CYP4A11: variants seen among roughly 807,000 people sequenced by gnomAD.
The protein encoded by CYP4A11 is cytochrome P450 family 4 subfamily A member 11, also known as cytochrome P450 4A11.
CYP4A11 carries 52 observed loss-of-function variants against 57.7 expected under a neutral mutation model. That is an observed-to-expected ratio of 0.90 (90% CI 0.72 to 1.14). The LOEUF (loss-of-function observed/expected upper bound fraction) is 1.14. Among genes scored for constraint, CYP4A11 ranks in the 50% most tolerant of loss-of-function variants. The pLI, the probability that CYP4A11 is intolerant of heterozygous loss-of-function variation, is 0.00. For synonymous variants in CYP4A11, 228 were observed against 247.1 expected, an observed-to-expected ratio of 0.92 and a Z score of 0.72; for missense variants, 641 against 642.1, an observed-to-expected ratio of 1.00 and a Z score of 0.02.
intron 2 of CYP4A11, 53 bp downstream of exon 2, chr1:46,937,943 G>C: frequency 6.2e-7 from 1 of 1,606,252 alleles, no homozygotes; most frequent in Non-Finnish European, 8.5e-7. Context: ...AGACCCAGGA[G>C]CATGTGTCAA....
chr1:46,939,251 C>G (rs1467774456), intron 1 of CYP4A11, among the ~76,000 whole-genome samples: 1 of 152,224 alleles, frequency 6.6e-6, no homozygotes, highest in Non-Finnish European at 1.5e-5. Context: ...GCAGCTTGCC[C>G]TACTGTGGGG....
At chr1:46,930,803 AG>A (rs1294895648) in intron 11 of CYP4A11, among the ~76,000 whole-genome samples, 1 of 152,114 alleles carries the variant, frequency 6.6e-6, no homozygotes, top group East Asian at 1.9e-4. Context: ...GGGAGTCAGA[AG>A]GGCAGTGGGA....
chr1:46,930,128 T>G lies in CYP4A11; in HGVS notation c.1547A>C (p.Lys516Thr). 3.1e-6 allele frequency: 5 copies of G among 1,612,312 alleles called. No homozygotes were observed. The highest frequency in any genetic ancestry group is 3.4e-6 in the Non-Finnish European group (4 of 1,178,932). ...LRRLPNPCEDKDQL is the reference protein window; with the variant it reads ...LRRLPNPCEDTDQL ...AGGTGGAGGCCCTCAAAGCTGGTCC[T>G]TGTCTTCACAAGGGTTAGGGAGCCT... Residue 516 changes from lysine (K) to threonine (T), a missense_variant, in exon 12 of 12, where the codon AAG becomes ACG. Lys to Thr is a moderately conservative substitution (Grantham distance 78, BLOSUM62 -1). Coordinates refer to ENST00000310638, the MANE Select transcript of CYP4A11 (RefSeq NM_000778.4).
Position 46,938,113 on chromosome 1 carries a change from G to T in CYP4A11, c.220C>A (p.Arg74=). Residue 74 remains arginine, a synonymous_variant, in exon 2 of 12, where the codon CGG becomes AGG. Transcript: ENST00000310638. ...AATGTCTCCACCCATTTCTGAATCC[G>T]TTGTAGCTCCTGGTCCTGTTGGAGC... ...QELQQDQELQ[R]IQKWVETFPS... 1.2e-6 allele frequency: 2 copies of T among 1,614,198 alleles called. No individual in the cohort carries two copies. Among genetic ancestry groups the T allele is most frequent in the South Asian group, 1.1e-5 (1 of 91,082 alleles).
At position 46,941,355 on chromosome 1, in the gene CYP4A11, G is replaced by C; in HGVS notation, c.79C>G (p.Leu27Val). ...GILQAASLLI[L>V]LLLLIKAVQL... ...ACTGCCTTGATCAGCAGCAGAAGCA[G>C]AATGAGCAGGGAGGCCGCTTGGAGG... The change falls in exon 1 of 12, where the codon CTG (leucine) becomes GTG (valine). Residue 27 changes from leucine (L) to valine (V), a missense_variant. Leu to Val is a conservative substitution (Grantham distance 32, BLOSUM62 1). Transcript: ENST00000310638. 5 of 1,614,176 alleles carry C rather than the reference G, an allele frequency of 3.1e-6. No homozygotes were observed. The highest frequency in any genetic ancestry group is 4.2e-6 in the Non-Finnish European group (5 of 1,180,042).
intron 4 of CYP4A11, among the ~76,000 whole-genome samples, 169 bp downstream of exon 4, chr1:46,936,495 C>G (rs1350090631): frequency 5.3e-5 from 8 of 152,342 alleles, no homozygotes; most frequent in South Asian, 2.1e-4. Context: ...TGGGTGTTCT[C>G]CTACCTTATA....
In CYP4A11 at chr1:46,929,318, G is replaced by T. The variant is rs1384086850; in HGVS notation, c.*797C>A. 1 of 152,128 alleles carries T rather than the reference G, an allele frequency of 6.6e-6. No individual in the cohort carries two copies. Among genetic ancestry groups the T allele is most frequent in the Non-Finnish European group, 1.5e-5 (1 of 68,052 alleles). The allele number at this position is 152,128 out of a possible 1,614,324, so 9.4% of individuals were successfully genotyped here. ...GGCAGGAGTTTGGGAGGTGGGTGGA[G>T]ATTCAGGGATGTTGGGGTGTTCAGA... On this transcript the variant is annotated 3_prime_UTR_variant, in exon 12 of 12. Coordinates refer to ENST00000310638, the MANE Select transcript of CYP4A11 (RefSeq NM_000778.4).
chr1:46,936,906 C>T, intron 3 of CYP4A11, 115 bp from the exon 4 acceptor site: 1 of 1,458,312 alleles, frequency 6.9e-7, no homozygotes, highest in Non-Finnish European at 9.1e-7. Context: ...GGTGGCTTCT[C>T]AAGGGGAGAA....
rs756981683 is a variant in CYP4A11 at position 46,941,382 on chromosome 1, T to G, written c.52A>C (p.Ile18Leu). The change falls in exon 1 of 12, where the codon ATC becomes CTC. Residue 18 changes from isoleucine to leucine, a missense_variant. Ile to Leu is a conservative substitution (Grantham distance 5). Coordinates refer to ENST00000310638, the MANE Select transcript of CYP4A11 (RefSeq NM_000778.4). The stretch of plus-strand genomic sequence containing the variant: ...ATGAGCAGGGAGGCCGCTTGGAGGA[T>G]TCCAGAGACATCACCCAGGAGTCTG... Reference protein sequence around the residue: ...PSRLLGDVSGILQAASLLILL... With the variant: ...PSRLLGDVSGLLQAASLLILL... 5 of 1,613,988 alleles carry G rather than the reference T, an allele frequency of 3.1e-6. No individual in the cohort carries two copies. The highest frequency in any genetic ancestry group is 1.3e-5 in the African/African-American group (1 of 74,918).
chr1:46,941,030 G>T, intron 1 of CYP4A11: 1 of 977,418 alleles, frequency 1.0e-6, no homozygotes, highest in Middle Eastern at 5.3e-4. Flanking sequence ...GGGCACGGGT[G>T]ATAGAGCTGA....
At chr1:46,937,462 C>G (rs1681482439) in intron 2 of CYP4A11, 116 bp from the exon 3 acceptor site, 6 of 1,060,922 alleles carry the variant, frequency 5.7e-6, no homozygotes, top group Non-Finnish European at 7.1e-6. Flanking sequence ...TCACCTCCCA[C>G]TTGACTCCCA....
chr1:46,937,477 C>T (rs182100258), intron 2 of CYP4A11, 131 bp from the exon 3 acceptor site: 7 of 916,532 alleles, frequency 7.6e-6, no homozygotes, highest in Admixed American at 4.3e-5. Flanking sequence ...CTCCCATCCA[C>T]TTCTATTTCT....
chr1:46,937,834 C>T (rs922697488), intron 2 of CYP4A11, among the ~76,000 whole-genome samples, 162 bp downstream of exon 2: 1 of 152,096 alleles, frequency 6.6e-6, no homozygotes, highest in African/African-American at 2.4e-5. Flanking sequence ...AGTTCAGTAA[C>T]TATTTTTGAC....
At chr1:46,936,340 A>T (rs1025066557) in intron 4 of CYP4A11, among the ~76,000 whole-genome samples, 1 of 152,218 alleles carries the variant, frequency 6.6e-6, no homozygotes, top group African/African-American at 2.4e-5. Context: ...GCCAGCCAGC[A>T]TAGGAAGTCC....
intron 3 of CYP4A11, 36 bp from the exon 4 acceptor site, chr1:46,936,827 GT>G: frequency 6.4e-7 from 1 of 1,557,852 alleles, no homozygotes; most frequent in Non-Finnish European, 8.7e-7. Flanking sequence ...GTGTGTGTGT[GT>G]GTGTGTGTGT....
intron 11 of CYP4A11, chr1:46,932,350 T>A (rs1485643974): frequency 9.2e-7 from 1 of 1,083,796 alleles, no homozygotes; most frequent in African/African-American, 1.6e-5. Flanking sequence ...GGTAGTGTGC[T>A]GCATTGAGGA....
chr1:46,934,353 C>T lies in CYP4A11; in HGVS notation c.911G>A (p.Ser304Asn), dbSNP rs1450075446. 1.3e-6 allele frequency: 2 copies of T among 1,584,774 alleles called. No homozygotes were observed. The highest frequency in any genetic ancestry group is 1.7e-6 in the Non-Finnish European group (2 of 1,163,086). The change falls in exon 8 of 12, where the codon AGC becomes AAC. Residue 304 changes from serine (S) to asparagine (N), a missense_variant. Transcript: ENST00000310638. Reference protein sequence around the residue: ...ILLLAKMENGSILSDKDLRAE... With the variant: ...ILLLAKMENGNILSDKDLRAE... Reference sequence around the variant, plus strand: ...ACGGAGGTCCTTGTCTGACAAGATGCTCCCATTCTCCATCTGGGAAGACCG... The same window carrying T: ...ACGGAGGTCCTTGTCTGACAAGATGTTCCCATTCTCCATCTGGGAAGACCG...
Position 46,935,530 on chromosome 1 carries a change from C to A in CYP4A11, c.628G>T (p.Val210Leu), listed in dbSNP as rs759491535. ...TGGAGGGTTGTCACTGACCTGTCCA[C>A]CTGGATGCTGCCCTGATGGCTGAAG... is the stretch of plus-strand genomic sequence containing the variant. ...CAFSHQGSIQ[V>L]DRNSQSYIQA... The change falls in exon 5 of 12, where the codon GTG (valine) becomes TTG (leucine). Residue 210 changes from valine to leucine, a missense_variant. Transcript: ENST00000310638. 15 of 1,613,834 alleles carry A rather than the reference C, an allele frequency of 9.3e-6. No homozygotes were observed. Among genetic ancestry groups the A allele is most frequent in the Non-Finnish European group, 1.3e-5 (15 of 1,179,784 alleles).
chr1:46,938,978 T>C (rs1251828655), intron 1 of CYP4A11, among the ~76,000 whole-genome samples: 1 of 152,224 alleles, frequency 6.6e-6, no homozygotes, highest in African/African-American at 2.4e-5. Context: ...CTGCTCACTC[T>C]TCTGGGCCCT....
Sources: allele counts gnomAD v4.1 joint callset (sites outside exome capture counted in the v4.1 genomes callset), GRCh38; gene constraint gnomAD v4.1.1; transcripts MANE v1.5; gene names NCBI Gene and HGNC (gene_info 2026-07-23, HGNC 2026-07-21).